HPS5: variants seen among roughly 807,000 people sequenced by gnomAD.
HPS5 encodes HPS5 biogenesis of lysosomal organelles complex 2 subunit 2.
A neutral mutation model predicts 128.0 loss-of-function variants in HPS5; 83 were observed. The ratio of observed to expected loss-of-function variants is 0.65; its 90% confidence interval spans 0.54 to 0.78. HPS5 has a LOEUF of 0.78. HPS5 is among the 30% of genes least tolerant of loss of function. The pLI is 0.00. For missense variants in HPS5, 1,281 were observed against 1,326.2 expected, an observed-to-expected ratio of 0.97 and a Z score of 0.53; for synonymous variants, 475 against 470.2, an observed-to-expected ratio of 1.01 and a Z score of -0.13.
Position 18,291,692 on chromosome 11 carries a change from T to C in HPS5, c.2190A>G (p.Ala730=). The change falls in exon 16 of 23, where the codon GCA becomes GCG. Residue 730 remains alanine (A), a synonymous_variant. Coordinates refer to ENST00000349215, the MANE Select transcript of HPS5 (RefSeq NM_181507.2). ...LFQICSPCAI[A]SGLRNDLAEL... ...CAGCCAGGTCGTTCCGAAGACCACTTGCAATGGCGCATGGAGAACATATTT... is the reference window on the plus strand; with the variant it reads ...CAGCCAGGTCGTTCCGAAGACCACTCGCAATGGCGCATGGAGAACATATTT... 2 of 1,614,222 alleles carry C rather than the reference T, an allele frequency of 1.2e-6. No individual in the cohort carries two copies. The highest frequency in any genetic ancestry group is 1.1e-5 in the South Asian group (1 of 91,086).
intron 21 of HPS5, among the ~76,000 whole-genome samples, chr11:18,282,616 A>ATT (rs912315630): frequency 6.6e-6 from 1 of 152,106 alleles, no homozygotes; most frequent in African/African-American, 2.4e-5. Context: ...GGCATATCCT[A>ATT]TGCTAAGCAC....
At position 18,279,601 on chromosome 11, in the gene HPS5, A is replaced by T; in HGVS notation, c.*281T>A. The stretch of plus-strand genomic sequence containing the variant: ...TACTGTAGTTCGGAATAATACTAGG[A>T]CATTAACATTCTAATTCCAGCAAAC... On this transcript the variant is annotated 3_prime_UTR_variant, in exon 23 of 23. Transcript: ENST00000349215. The T allele has an allele frequency of 2.1e-6, 1 of 484,798 alleles. No individual in the cohort carries two copies. Among genetic ancestry groups the T allele is most frequent in the Non-Finnish European group, 3.7e-6 (1 of 266,718 alleles). 30.0% of individuals were successfully genotyped at this position (484,798 alleles called of 1,614,324 possible).
chr11:18,286,305 G>A (rs1859706895), intron 19 of HPS5, among the ~76,000 whole-genome samples: 1 of 152,174 alleles, frequency 6.6e-6, no homozygotes, highest in South Asian at 2.1e-4. Flanking sequence ...AGCACTTTGT[G>A]AGGCCAAGGC....
Position 18,291,532 on chromosome 11 carries a change from G to A in HPS5, c.2350C>T (p.Leu784Phe), listed in dbSNP as rs1860405198. The change falls in exon 16 of 23, where the codon CTC becomes TTC. Residue 784 changes from leucine (L) to phenylalanine (F), a missense_variant. Transcript: ENST00000349215. Reference protein sequence around the residue: ...ACQFLKKYFFLLNLKRAKESI... With the variant: ...ACQFLKKYFFFLNLKRAKESI... ...TCCTTCGCTCTTTTCAAGTTCAGGA[G>A]AAAAAAGTACTTCTTCAGGAACTGG... 6 of 1,610,928 alleles carry A rather than the reference G, an allele frequency of 3.7e-6. No individual in the cohort carries two copies. The highest frequency in any genetic ancestry group is 5.1e-6 in the Non-Finnish European group (6 of 1,178,220).
chr11:18,313,210 T>C (rs1234290247), intron 2 of HPS5, among the ~76,000 whole-genome samples: 2 of 151,322 alleles, frequency 1.3e-5, no homozygotes, highest in African/African-American at 4.9e-5. Context: ...TCAAAACACA[T>C]ACTTATTGAG....
chr11:18,311,513 T>TTTA (rs1554944922), intron 3 of HPS5, 62 bp from the exon 4 acceptor site: 17 of 608,580 alleles, frequency 2.8e-5, no homozygotes, highest in East Asian at 1.6e-4. Flanking sequence ...TTATTATTAT[T>TTTA]TTTTTTTTTT....
At position 18,310,865 on chromosome 11, in the gene HPS5, G is replaced by A; in HGVS notation, c.353C>T (p.Ser118Phe). 1 of 1,607,902 alleles carries A rather than the reference G, an allele frequency of 6.2e-7. No individual in the cohort carries two copies. The highest frequency in any genetic ancestry group is 2.2e-5 in the East Asian group (1 of 44,514). The change falls in exon 5 of 23, where the codon TCT (serine) becomes TTT (phenylalanine). Residue 118 changes from serine to phenylalanine, a missense_variant. Physicochemically the swap from Ser to Phe is radical, Grantham distance 155. Coordinates refer to ENST00000349215, the MANE Select transcript of HPS5 (RefSeq NM_181507.2). ...GACTCTTCGGCCTTTGTGTTCTGAA[G>A]ACACATACATTTGTTCCGGTTTCCC... ...RRGKPEQMYVSSEHKGRRVTA... is the reference protein window; with the variant it reads ...RRGKPEQMYVFSEHKGRRVTA...
At chr11:18,283,542 T>G (rs1460500691) in intron 21 of HPS5, among the ~76,000 whole-genome samples, 10 of 151,912 alleles carry the variant, frequency 6.6e-5, no homozygotes, top group Non-Finnish European at 8.8e-5. Flanking sequence ...CACAGTATAG[T>G]GCCTAACACA....
Position 18,286,233 on chromosome 11 carries a change from T to G in HPS5, c.2837+358A>C, listed in dbSNP as rs548419449. On this transcript the variant is annotated intron_variant, in intron 19 of 22. Coordinates refer to ENST00000349215, the MANE Select transcript of HPS5 (RefSeq NM_181507.2). ...AACCAGTTCCATTCCAAAGGAACAC[T>G]GGAGCTTAATCCTTAGAAATAAGAC... is the stretch of plus-strand genomic sequence containing the variant. 1.1e-4 allele frequency among the ~76,000 whole-genome samples: 17 copies of G among 152,336 alleles called. 1 individual carries two copies. In the South Asian group the frequency reaches 3.5e-3, roughly 32 times the overall value.
chr11:18,311,429 G>A lies in HPS5; in HGVS notation c.242C>T (p.Ala81Val), dbSNP rs1306471974. The A allele has an allele frequency of 6.2e-7, 1 of 1,609,268 alleles. No individual in the cohort carries two copies. The highest frequency in any genetic ancestry group is 8.5e-7 in the Non-Finnish European group (1 of 1,176,722). The change falls in exon 4 of 23, where the codon GCC becomes GTC. Residue 81 changes from alanine to valine, a missense_variant. Ala to Val is a moderately conservative substitution (Grantham distance 64). Coordinates refer to ENST00000349215, the MANE Select transcript of HPS5 (RefSeq NM_181507.2). Reference sequence around the variant, plus strand: ...ATAATCATCATCATGTAAACAACAGGCGACTTGAGAAATTGCACCTTCCTA... The same window carrying A: ...ATAATCATCATCATGTAAACAACAGACGACTTGAGAAATTGCACCTTCCTA... ...SHREGAISQV[A>V]CCLHDDDYVA...
chr11:18,286,873 T>G, intron 18 of HPS5, 163 bp from the exon 19 acceptor site: 1 of 741,916 alleles, frequency 1.3e-6, no homozygotes, highest in African/African-American at 1.9e-5. Flanking sequence ...GTGACCAAGC[T>G]CCAAGATAAC....
At chr11:18,285,236 C>CT in intron 20 of HPS5, 110 bp downstream of exon 20, 1 of 619,864 alleles carries the variant, frequency 1.6e-6, no homozygotes, top group Non-Finnish European at 2.8e-6. Flanking sequence ...TTTTAAATAG[C>CT]AAAGAGAATC....
chr11:18,281,801 T>A, intron 22 of HPS5, 149 bp downstream of exon 22: 2 of 885,444 alleles, frequency 2.3e-6, no homozygotes, highest in South Asian at 1.4e-5. Flanking sequence ...AATATTACTT[T>A]AGCCTCTTCC....
intron 12 of HPS5, 106 bp downstream of exon 12, chr11:18,296,689 AAAT>A: frequency 9.8e-7 from 1 of 1,016,696 alleles, no homozygotes; most frequent in Non-Finnish European, 1.6e-6. Context: ...AACATGTTAA[AAAT>A]TATTAACACT....
At chr11:18,297,211 G>A (rs1318606812) in intron 11 of HPS5, among the ~76,000 whole-genome samples, 3 of 152,178 alleles carry the variant, frequency 2.0e-5, no homozygotes, top group Non-Finnish European at 4.4e-5. Context: ...ATAAAGCTTG[G>A]TAGTGAGAAT....
At chr11:18,297,086 A>G (rs1861167886) in intron 11 of HPS5, 102 bp from the exon 12 acceptor site, 4 of 811,278 alleles carry the variant, frequency 4.9e-6, no homozygotes, top group East Asian at 5.3e-5. Context: ...TAGAAAGTTA[A>G]TAACAACCAT....
chr11:18,312,887 C>T (rs1018528792), intron 2 of HPS5, among the ~76,000 whole-genome samples: 1 of 152,164 alleles, frequency 6.6e-6, no homozygotes, highest in East Asian at 1.9e-4. Context: ...AGAACACTAA[C>T]CTCCTATGAG....
intron 11 of HPS5, 131 bp downstream of exon 11, chr11:18,297,428 A>G: frequency 1.3e-6 from 1 of 785,970 alleles, no homozygotes; most frequent in Non-Finnish European, 2.1e-6. Flanking sequence ...AGCTGAACAA[A>G]AGTTCACCCC....
chr11:18,286,850 T>G (rs1324632820), intron 18 of HPS5, 140 bp from the exon 19 acceptor site: 5 of 1,134,566 alleles, frequency 4.4e-6, no homozygotes, highest in Non-Finnish European at 6.3e-6. Context: ...CTACAAAATG[T>G]CTAGAAATGC....
Sources: allele counts gnomAD v4.1 joint callset (sites outside exome capture counted in the v4.1 genomes callset), GRCh38; gene constraint gnomAD v4.1.1; transcripts MANE v1.5; gene names NCBI Gene and HGNC (gene_info 2026-07-23, HGNC 2026-07-21).